Variants in PHF21B observed in about 807,000 individuals in gnomAD.
The protein encoded by PHF21B is PHD finger protein 4.
In PHF21B, 22 loss-of-function variants were observed where a neutral mutation model predicts 62.2. The ratio of observed to expected loss-of-function variants is 0.35; its 90% CI spans 0.25 to 0.51. The LOEUF (loss-of-function observed/expected upper bound fraction) is 0.51, where lower values mean the gene tolerates loss of function less well. Among genes scored for constraint, PHF21B ranks in the 20% least tolerant of loss-of-function variants. The probability of loss-of-function intolerance (pLI) is 0.97; values close to 1 mark genes in which losing one functional copy is unlikely to be tolerated. For missense variants in PHF21B, 701 were observed against 707.9 expected, an observed-to-expected ratio of 0.99 and a Z score of 0.11; for synonymous variants, 341 against 314.7, an observed-to-expected ratio of 1.08 and a Z score of -0.88.
chr22:44,955,512 C>T (rs774661909), intron 2 of PHF21B, among the ~76,000 whole-genome samples: 45 of 152,194 alleles, frequency 3.0e-4, no homozygotes, highest in Non-Finnish European at 6.0e-4. Context: ...ATCCGCGCCA[C>T]CAATTCGGGT....
chr22:44,974,539 A>C (rs1434150587), intron 2 of PHF21B, among the ~76,000 whole-genome samples: 2 of 152,198 alleles, frequency 1.3e-5, no homozygotes, highest in African/African-American at 4.8e-5. Context: ...ACCCTGCACA[A>C]AGTCCTACAT....
At chr22:44,934,244 C>T (rs1024832503) in intron 2 of PHF21B, among the ~76,000 whole-genome samples, 1 of 152,330 alleles carries the variant, frequency 6.6e-6, no homozygotes, top group East Asian at 1.9e-4. Context: ...CTGCACCTCA[C>T]CCACCTGCTT....
chr22:44,979,993 C>T (rs551325328), intron 2 of PHF21B, among the ~76,000 whole-genome samples: 9 of 141,474 alleles, frequency 6.4e-5, no homozygotes, highest in African/African-American at 1.3e-4. Context: ...CGCTTGAACC[C>T]GGGAGACAGA....
chr22:44,986,576 G>C (rs79973280), intron 2 of PHF21B, among the ~76,000 whole-genome samples: 1 of 149,852 alleles, frequency 6.7e-6, no homozygotes, highest in African/African-American at 2.5e-5. Flanking sequence ...CAAAGGCTCA[G>C]TGACCCCCAC....
At chr22:44,906,904 G>C (rs557189124) in intron 5 of PHF21B, among the ~76,000 whole-genome samples, 3 of 151,682 alleles carry the variant, frequency 2.0e-5, no homozygotes, top group South Asian at 2.1e-4. Context: ...ATCCCTGAGA[G>C]AAGGGGAAGC....
intron 2 of PHF21B, among the ~76,000 whole-genome samples, chr22:44,973,029 TC>T (rs1464177758): frequency 6.6e-6 from 1 of 152,196 alleles, no homozygotes; most frequent in East Asian, 1.9e-4. Context: ...AAACTCCCAC[TC>T]CGGGCTCTGA....
At chr22:44,889,710 A>T in intron 9 of PHF21B, 50 bp downstream of exon 9, 1 of 1,576,028 alleles carries the variant, frequency 6.3e-7, no homozygotes. Flanking sequence ...GACTGTACTG[A>T]AAACATTCTC....
intron 2 of PHF21B, among the ~76,000 whole-genome samples, chr22:44,935,584 A>C (rs546222725): frequency 6.6e-6 from 1 of 151,766 alleles, no homozygotes. Flanking sequence ...ACTGCACTCT[A>C]GCCTGGGCGA....
intron 2 of PHF21B, among the ~76,000 whole-genome samples, chr22:44,950,348 G>A (rs1157862622): frequency 6.6e-6 from 1 of 152,224 alleles, no homozygotes; most frequent in African/African-American, 2.4e-5. Context: ...AATTCATCTA[G>A]TTATGGTGCT....
chr22:44,889,629 TA>T, intron 9 of PHF21B, 130 bp downstream of exon 9: 3 of 1,179,750 alleles, frequency 2.5e-6, no homozygotes, highest in Non-Finnish European at 2.4e-6. Context: ...TCTTAGCACC[TA>T]AAGGCAGAAC....
At chr22:44,935,420 C>A (rs1569238772) in intron 2 of PHF21B, among the ~76,000 whole-genome samples, 1 of 152,132 alleles carries the variant, frequency 6.6e-6, no homozygotes, top group Non-Finnish European at 1.5e-5. Context: ...CGAGACCATC[C>A]TGGCTAACAC....
intron 2 of PHF21B, among the ~76,000 whole-genome samples, chr22:44,943,192 C>G (rs1290690618): frequency 6.6e-6 from 1 of 152,154 alleles, no homozygotes; most frequent in African/African-American, 2.4e-5. Flanking sequence ...CCCGCTCCCC[C>G]AAGCCTGGAG....
chr22:44,952,833 G>A (rs1393232906), intron 2 of PHF21B, among the ~76,000 whole-genome samples: 1 of 152,192 alleles, frequency 6.6e-6, no homozygotes, highest in Non-Finnish European at 1.5e-5. Flanking sequence ...TGGGGTGCTA[G>A]GCGCAGATTC....
rs191027984 is a variant in PHF21B at position 44,981,157 on chromosome 22, C to T, written c.120+27388G>A. Reference sequence around the variant, plus strand: ...GAAACGGCCTTTATGTCCAAAGCTTCCCATCAGGTTGGAGAAAGAGGGAGA... The same window carrying T: ...GAAACGGCCTTTATGTCCAAAGCTTTCCATCAGGTTGGAGAAAGAGGGAGA... On this transcript the variant is annotated intron_variant, in intron 2 of 12. Transcript: ENST00000313237. Among the ~76,000 whole-genome samples, 790 of 152,250 alleles carry T rather than the reference C, an allele frequency of 5.2e-3. 1 individual carries two copies. Among genetic ancestry groups the T allele is most frequent in the Non-Finnish European group, 6.3e-3 (426 of 68,018 alleles).
chr22:44,998,709 C>A (rs961900324), intron 2 of PHF21B, among the ~76,000 whole-genome samples: 2 of 152,196 alleles, frequency 1.3e-5, no homozygotes, highest in Non-Finnish European at 2.9e-5. Context: ...GCCAGAGATG[C>A]CTCCCTGCTT....
intron 2 of PHF21B, among the ~76,000 whole-genome samples, chr22:44,984,134 T>G (rs1315694076): frequency 1.4e-5 from 1 of 70,464 alleles, no homozygotes; most frequent in African/African-American, 5.2e-5. Flanking sequence ...ACCATCATCA[T>G]GATCACCATC....
chr22:44,910,055 A>G (rs2071318774), intron 5 of PHF21B, among the ~76,000 whole-genome samples: 1 of 152,228 alleles, frequency 6.6e-6, no homozygotes, highest in Non-Finnish European at 1.5e-5. Flanking sequence ...GGAGCCTGGC[A>G]GGGAGCAAAC....
chr22:44,908,122 G>A (rs1429571235), intron 5 of PHF21B, among the ~76,000 whole-genome samples: 2 of 152,186 alleles, frequency 1.3e-5, no homozygotes, highest in Non-Finnish European at 2.9e-5. Context: ...GTCCTGAGCA[G>A]TAGGTTCTGA....
intron 5 of PHF21B, among the ~76,000 whole-genome samples, chr22:44,910,734 G>A (rs993343477): frequency 1.3e-5 from 2 of 152,152 alleles, no homozygotes; most frequent in Non-Finnish European, 2.9e-5. Context: ...CCTGTCTCAG[G>A]TATGTCTTTA....
Sources: allele counts gnomAD v4.1 joint callset (sites outside exome capture counted in the v4.1 genomes callset), GRCh38; gene constraint gnomAD v4.1.1; transcripts MANE v1.5; gene names NCBI Gene and HGNC (gene_info 2026-07-23, HGNC 2026-07-21).